PHF14: variants seen among roughly 807,000 people sequenced by gnomAD.
PHF14 encodes PHD finger protein 14.
In PHF14, 55 loss-of-function variants were observed where a neutral mutation model predicts 117.9. The ratio of observed to expected loss-of-function variants is 0.47; its 90% CI spans 0.38 to 0.58. The LOEUF is 0.58. Among genes scored for constraint, PHF14 ranks in the 20% least tolerant of loss-of-function variants. The pLI, the probability that PHF14 is intolerant of heterozygous loss-of-function variation, is 0.00. For synonymous variants in PHF14, 409 were observed against 368.6 expected (o/e 1.11, Z -1.26); for missense variants, 978 against 1,122.2 (o/e 0.87, Z 1.84).
At chr7:11,055,331 C>A (rs984197416) in intron 14 of PHF14, among the ~76,000 whole-genome samples, 1 of 152,078 alleles carries the variant, frequency 6.6e-6, no homozygotes, top group African/African-American at 2.4e-5. Context: ...TTTTTGCTTT[C>A]TTTGCACTCT....
chr7:11,011,345 T>C (rs1204085654), intron 4 of PHF14, among the ~76,000 whole-genome samples: 1 of 152,236 alleles, frequency 6.6e-6, no homozygotes, highest in African/African-American at 2.4e-5. Context: ...AGGCTCCTGG[T>C]TGTCTGGTTA....
intron 6 of PHF14, among the ~76,000 whole-genome samples, chr7:11,026,695 G>T (rs943682640): frequency 2.0e-4 from 29 of 147,972 alleles, no homozygotes; most frequent in African/African-American, 6.9e-4. Context: ...CTGATGTCTA[G>T]TTGGCTGTTG....
chr7:11,091,347 A>G (rs1167067196), intron 16 of PHF14, among the ~76,000 whole-genome samples: 1 of 152,228 alleles, frequency 6.6e-6, no homozygotes, highest in Non-Finnish European at 1.5e-5. Flanking sequence ...CAGAAAAAAG[A>G]TGAGTTGGCT....
chr7:10,982,459 A>G lies in PHF14; in HGVS notation c.200A>G (p.Glu67Gly). 1 of 1,591,416 alleles carries G rather than the reference A, an allele frequency of 6.3e-7. No individual in the cohort carries two copies. Among genetic ancestry groups the G allele is most frequent in the Non-Finnish European group, 8.6e-7 (1 of 1,163,522 alleles). The change falls in exon 3 of 18, where the codon GAA becomes GGA. Residue 67 changes from glutamate (E) to glycine (G), a missense_variant. By Grantham distance (98) the Glu-to-Gly change is moderately conservative. Coordinates refer to ENST00000634607, the MANE Select transcript of PHF14 (RefSeq NM_001007157.2). ...AGTGATTCTGAAGAAAATATTTTAG[A>G]AGAAGAACTGAATGAAGATATTAAA... Reference protein sequence around the residue: ...SCSDSEENILEEELNEDIKVK... With the variant: ...SCSDSEENILGEELNEDIKVK...
intron 16 of PHF14, chr7:11,105,318 T>C (rs1258276168): frequency 1.1e-6 from 1 of 940,752 alleles, no homozygotes; most frequent in Non-Finnish European, 1.3e-6. Context: ...GACCAATAAA[T>C]AATAAAATAT....
rs1211124223 is a variant in PHF14, at chr7:11,047,764, T to C, written c.2313-3848T>C. Among the ~76,000 whole-genome samples the C allele has an allele frequency of 3.6e-5, 5 of 140,450 alleles. No homozygotes were observed. The Admixed American group carries it at 3.9e-4, about 11-fold the overall frequency. 92.1% of individuals were successfully genotyped at this position (140,450 alleles called of 152,430 possible). On this transcript the variant is annotated intron_variant, in intron 13 of 17. Transcript: ENST00000634607. ...TTGCGCCAGTGCTCTCCAATCTGGG[T>C]GACAGAGTGAGACTCTGTCTCACAA...
intron 16 of PHF14, chr7:11,106,462 G>A (rs1420186759): frequency 1.1e-6 from 1 of 947,270 alleles, no homozygotes; most frequent in Non-Finnish European, 1.3e-6. Context: ...CACTAAAATT[G>A]TTGTAAATTA....
At chr7:11,065,750 A>G (rs1025676086) in intron 16 of PHF14, among the ~76,000 whole-genome samples, 2 of 152,176 alleles carry the variant, frequency 1.3e-5, no homozygotes, top group Admixed American at 1.3e-4. Flanking sequence ...TCGAACTATC[A>G]AATTAGGAAT....
chr7:11,084,115 GAACTTA>G (rs1423867547), intron 16 of PHF14, among the ~76,000 whole-genome samples: 2 of 151,994 alleles, frequency 1.3e-5, no homozygotes, highest in East Asian at 3.9e-4. Context: ...AATAATTACA[GAACTTA>G]AACTTCAAAG....
At chr7:11,025,840 G>A (rs1392968580) in intron 6 of PHF14, among the ~76,000 whole-genome samples, 2 of 151,852 alleles carry the variant, frequency 1.3e-5, no homozygotes, top group South Asian at 2.1e-4. Flanking sequence ...GGCTGGGTGC[G>A]GTGGCTCACG....
At chr7:11,160,666 A>G (rs1788996044) in intron 17 of PHF14, among the ~76,000 whole-genome samples, 1 of 152,156 alleles carries the variant, frequency 6.6e-6, no homozygotes. Context: ...TTCGCTGACA[A>G]TTAGCGATGT....
chr7:11,153,235 TAGAA>T (rs1165036337), intron 17 of PHF14, among the ~76,000 whole-genome samples: 2 of 152,070 alleles, frequency 1.3e-5, no homozygotes, highest in Non-Finnish European at 2.9e-5. Flanking sequence ...GCAGTGGAGA[TAGAA>T]AGCACTAGAC....
intron 17 of PHF14, among the ~76,000 whole-genome samples, chr7:11,149,416 A>C (rs1788644858): frequency 6.6e-6 from 1 of 152,128 alleles, no homozygotes; most frequent in Non-Finnish European, 1.5e-5. Flanking sequence ...TATTCTGGGA[A>C]TGGCTTTTCT....
intron 5 of PHF14, among the ~76,000 whole-genome samples, chr7:11,016,778 C>T (rs1383977558): frequency 6.6e-6 from 1 of 152,004 alleles, no homozygotes; most frequent in Admixed American, 6.6e-5. Context: ...TTTAAGTGTA[C>T]AATTTAGTTT....
At chr7:11,058,533 G>T (rs140355036) in intron 14 of PHF14, among the ~76,000 whole-genome samples, 11 of 152,216 alleles carry the variant, frequency 7.2e-5, no homozygotes, top group Middle Eastern at 6.8e-3. Context: ...TGCTAAATAA[G>T]AGTGCTGTAA....
In PHF14 at chr7:11,101,423, A is replaced by C. The variant is rs560255108; in HGVS notation, c.2655-9927A>C. On this transcript the variant is annotated intron_variant, in intron 16 of 17. Coordinates refer to ENST00000634607, the MANE Select transcript of PHF14 (RefSeq NM_001007157.2). ...GACAAAGTAGTTCTCAGAGTATCAG[A>C]TTCAGAATGTGCTCAAAAGCTCTTC... Among the ~76,000 whole-genome samples, 5 of 152,020 alleles carry C rather than the reference A, an allele frequency of 3.3e-5. No individual in the cohort carries two copies. The South Asian group carries it at 1.0e-3, about 32-fold the overall frequency.
Position 10,982,432 on chromosome 7 carries a change from G to A in PHF14, c.173G>A (p.Cys58Tyr). 6.3e-7 allele frequency: 1 copy of A among 1,594,828 alleles called. No homozygotes were observed. ...DASKDSGEGS[C>Y]SDSEENILEE... ...TCAAAGGACAGTGGAGAAGGTTCCT[G>A]TAGTGATTCTGAAGAAAATATTTTA... The change falls in exon 3 of 18, where the codon TGT becomes TAT. Residue 58 changes from cysteine (C) to tyrosine (Y), a missense_variant. This residue lies in a region of PHF14 where 414 missense variants were observed against 376.4 expected (regional missense o/e 1.10). Transcript: ENST00000634607.
intron 4 of PHF14, 51 bp from the exon 5 acceptor site, chr7:11,013,696 G>T (rs1250646785): frequency 3.0e-6 from 3 of 1,015,920 alleles, no homozygotes; most frequent in South Asian, 2.0e-5. Flanking sequence ...GATTTTATGT[G>T]ACTTTAACAA....
rs571690529 is a variant in PHF14 at position 10,976,226 on chromosome 7, GA to G, written c.112+1282del. Among the ~76,000 whole-genome samples, 33 of 152,246 alleles carry G rather than the reference GA, an allele frequency of 2.2e-4. No homozygotes were observed. In the East Asian group the frequency reaches 6.4e-3, roughly 29 times the overall value. ...AATTCATCCGCAGCAATCAAAAATTGATAAGTTTATCTTGATTAACTGTTTT... is the reference window on the plus strand; with the variant it reads ...AATTCATCCGCAGCAATCAAAAATTGTAAGTTTATCTTGATTAACTGTTTT... On this transcript the variant is annotated intron_variant, in intron 2 of 17. Coordinates refer to ENST00000634607, the MANE Select transcript of PHF14 (RefSeq NM_001007157.2).
Sources: gnomAD v4.1 joint callset for allele counts (sites outside exome capture counted in the v4.1 genomes callset) on GRCh38, gnomAD v4.1.1 for gene constraint, gnomAD v4.1.1 regional missense constraint, MANE v1.5 for transcripts, NCBI Gene and HGNC (gene_info 2026-07-23, HGNC 2026-07-21) for gene names.